The following KMT2D variants were observed in gnomAD, a reference collection of about 807,000 sequenced individuals.
KMT2D encodes the protein lysine methyltransferase 2D.
KMT2D carries 55 observed loss-of-function variants against 512.7 expected under a neutral mutation model. The ratio of observed to expected loss-of-function variants is 0.11; its 90% CI spans 0.09 to 0.13. The LOEUF is 0.13. Ranked by LOEUF, KMT2D falls within the 10% of genes least tolerant of loss-of-function variation. KMT2D has a pLI of 1.00. For missense variants in KMT2D, 6,061 were observed against 7,127.9 expected (o/e 0.85, Z 5.39); for synonymous variants, 2,995 against 2,904.0 (o/e 1.03, Z -1.01).
rs2137716183 is a variant in KMT2D at position 49,026,460 on chromosome 12, A to G, written c.15506T>C (p.Ile5169Thr). The G allele has an allele frequency of 1.2e-6, 2 of 1,613,990 alleles. No homozygotes were observed. The highest frequency in any genetic ancestry group is 1.7e-6 in the Non-Finnish European group (2 of 1,179,890). The change falls in exon 49 of 55, where the codon ATT becomes ACT. Residue 5169 changes from isoleucine (I) to threonine (T), a missense_variant. Ile to Thr is a moderately conservative substitution (Grantham distance 89). Transcript: ENST00000301067. The surrounding 1 kb of genome is among the most constrained non-coding windows in gnomAD (Gnocchi z 9.6). ...RDEVKQIASIIQRGERLHMFR... is the reference protein window; with the variant it reads ...RDEVKQIASITQRGERLHMFR... ...CATGTGCAGCCGTTCTCCCCGCTGA[A>G]TGATGCTAGCGATTTGCTTCACCTC...
chr12:49,042,454 G>A lies in KMT2D; in HGVS notation c.5867+107C>T. 5.3e-6 allele frequency: 8 copies of A among 1,518,710 alleles called. No homozygotes were observed. The South Asian group carries it at 7.3e-5, about 14-fold the overall frequency. 94.1% of individuals were successfully genotyped at this position (1,518,710 alleles called of 1,614,324 possible). On this transcript the variant is annotated intron_variant, in intron 28 of 54. Transcript: ENST00000301067. The surrounding 1 kb of genome is among the most constrained non-coding windows in gnomAD (Gnocchi z 4.4). ...GGAGGGTCACTAACAAGGGAATGGG[G>A]AGGAGCAGGGGAAGTGCTGCAGGAG...
chr12:49,057,308 G>A (rs1297249392), intron 1 of KMT2D, among the ~76,000 whole-genome samples: 1 of 152,208 alleles, frequency 6.6e-6, no homozygotes, highest in Non-Finnish European at 1.5e-5. Flanking sequence ...TGGTCTCAAA[G>A]TTGAGGCCAA....
Position 49,031,434 on chromosome 12 carries a change from C to T in KMT2D, c.13271G>A (p.Cys4424Tyr), listed in dbSNP as rs766448243. The part of the protein sequence containing the change: ...SIKQEPREEP[C>Y]ALGAQSVKRE... ...CTTCACTGACTGGGCTCCCAGGGCA[C>T]ATGGCTCTTCCCGAGGTTCCTGCTT... The change falls in exon 40 of 55, where the codon TGT (cysteine) becomes TAT (tyrosine). Residue 4424 changes from cysteine to tyrosine, a missense_variant. Around this residue, in one of 16 missense-constraint regions of KMT2D, gnomAD observed 1,600 missense variants for 1,754.9 expected, o/e 0.91. Coordinates refer to ENST00000301067, the MANE Select transcript of KMT2D (RefSeq NM_003482.4). 17 of 1,613,792 alleles carry T rather than the reference C, an allele frequency of 1.1e-5. No individual in the cohort carries two copies. The highest frequency in any genetic ancestry group is 1.4e-5 in the Non-Finnish European group (17 of 1,179,892).
At position 49,050,244 on chromosome 12, in the gene KMT2D, A is replaced by G. The variant is rs2120647727; in HGVS notation, c.3344T>C (p.Phe1115Ser). 2 of 1,613,290 alleles carry G rather than the reference A, an allele frequency of 1.2e-6. No homozygotes were observed. The highest frequency in any genetic ancestry group is 2.7e-5 in the African/African-American group (2 of 75,000). Reference protein sequence around the residue: ...APSPAPALDDFSGLGEDTAPL... With the variant: ...APSPAPALDDSSGLGEDTAPL... ...GGCTGTGTCTTCCCCTAGGCCAGAG[A>G]AGTCATCCAGGGCTGGGGCAGGGCT... Residue 1115 changes from phenylalanine (F) to serine (S), a missense_variant, in exon 12 of 55, where the codon TTC (phenylalanine) becomes TCC (serine). Coordinates refer to ENST00000301067, the MANE Select transcript of KMT2D (RefSeq NM_003482.4).
intron 48 of KMT2D, 147 bp from the exon 49 acceptor site, chr12:49,027,469 G>A: frequency 1.5e-6 from 1 of 680,340 alleles, no homozygotes; most frequent in Non-Finnish European, 2.3e-6. Flanking sequence ...TTTTTTTTTT[G>A]AGACACAGTC....
rs1335747975 is a variant in KMT2D, at chr12:49,024,058, A to T, written c.16052+520T>A. On this transcript the variant is annotated intron_variant, in intron 51 of 54. Transcript: ENST00000301067. This position sits in a 1 kb window ranked among gnomAD's most constrained non-coding sequence, Gnocchi z 4.5. Reference sequence around the variant, plus strand: ...ATACCACCTGCCCTACCTACCTCATAAGGTTGTTGTGAGGATCAAATGAGA... The same window carrying T: ...ATACCACCTGCCCTACCTACCTCATTAGGTTGTTGTGAGGATCAAATGAGA... 2.2e-6 allele frequency: 1 copy of T among 455,840 alleles called. No homozygotes were observed. Among genetic ancestry groups the T allele is most frequent in the Non-Finnish European group, 4.4e-6 (1 of 226,884 alleles). 28.2% of individuals were successfully genotyped at this position (455,840 alleles called of 1,614,324 possible).
intron 40 of KMT2D, 25 bp from the exon 41 acceptor site, chr12:49,031,058 G>T (rs1393382043): frequency 6.2e-7 from 1 of 1,613,330 alleles, no homozygotes; most frequent in Non-Finnish European, 8.5e-7. Flanking sequence ...CCCATTGAAG[G>T]CTGCTACCCT....
chr12:49,030,317 A>G lies in KMT2D; in HGVS notation c.13962T>C (p.Asp4654=). The part of the protein sequence containing the change: ...PSEELGEHPK[D]AASARDSERA... ...TTTCACTATCCCGGGCAGAGGCAGC[A>G]TCCTTGGGGTGCTCCCCCAGCTCTT... The change falls in exon 43 of 55, where the codon GAT becomes GAC. Residue 4654 remains aspartate, a synonymous_variant. Coordinates refer to ENST00000301067, the MANE Select transcript of KMT2D (RefSeq NM_003482.4). The G allele has an allele frequency of 6.2e-7, 1 of 1,602,394 alleles. No individual in the cohort carries two copies. Among genetic ancestry groups the G allele is most frequent in the Non-Finnish European group, 8.5e-7 (1 of 1,174,510 alleles).
rs370665309 is a variant in KMT2D, at chr12:49,032,435, C to T, written c.12270G>A (p.Gln4090=). ...PQPQPQPSSL[Q]LQPPLRLPGQ... ...CTGGAAGCCTCAGAGGTGGCTGCAG[C>T]TGCAGAGAGCTGGGCTGAGGCTGGG... The change falls in exon 40 of 55, where the codon CAG becomes CAA. Residue 4090 remains glutamine, a synonymous_variant. Transcript: ENST00000301067. 19 of 1,575,484 alleles carry T rather than the reference C, an allele frequency of 1.2e-5. No individual in the cohort carries two copies. In the African/African-American group the frequency reaches 2.3e-4, roughly 19 times the overall value.
chr12:49,051,926 T>C lies in KMT2D; in HGVS notation c.1757A>G (p.Glu586Gly). The C allele has an allele frequency of 6.2e-7, 1 of 1,612,630 alleles. No individual in the cohort carries two copies. The highest frequency in any genetic ancestry group is 2.2e-5 in the East Asian group (1 of 44,828). The change falls in exon 11 of 55, where the codon GAA (glutamate) becomes GGA (glycine). Residue 586 changes from glutamate (E) to glycine (G), a missense_variant. This residue lies in a region of KMT2D where 848 missense variants were observed against 838.5 expected (regional missense o/e 1.01). Transcript: ENST00000301067. ...CGGTGGTGGAGACATGGGTGACTCT[T>C]CAGGTGGAGGGGACATGGGTGACTC... is the stretch of plus-strand genomic sequence containing the variant. ...PEESPMSPPP[E>G]ESPMSPPPEA...
Position 49,051,672 on chromosome 12 carries a change from A to C in KMT2D, c.2011T>G (p.Leu671Val), listed in dbSNP as rs778292705. 4.2e-6 allele frequency: 5 copies of C among 1,182,072 alleles called. No individual in the cohort carries two copies. Among genetic ancestry groups the C allele is most frequent in the Non-Finnish European group, 5.4e-6 (5 of 934,132 alleles). The allele number at this position is 1,182,072 out of a possible 1,614,324, so 73.2% of individuals were successfully genotyped here. Residue 671 changes from leucine (L) to valine (V), a missense_variant, in exon 11 of 55, where the codon TTG becomes GTG. By Grantham distance (32) the Leu-to-Val change is conservative (BLOSUM62 1). Transcript: ENST00000301067. ...GGAGACTCCTCAGGCGGTGGGGACA[A>C]GGGAGATTCCTCAGGCGGTGGAGAC... ...RLSPPPEESP[L>V]SPPPEESPTS...
rs1342759407 is a variant in KMT2D at position 49,038,899 on chromosome 12, C to T, written c.8457G>A (p.Gln2819=). ...PLQQQQQQLW[Q]QQQATAATSM... Reference sequence around the variant, plus strand: ...AGGTTGCTGCTGTTGCCTGTTGTTGCTGCCACAGTTGTTGCTGTTGCTGCT... The same window carrying T: ...AGGTTGCTGCTGTTGCCTGTTGTTGTTGCCACAGTTGTTGCTGTTGCTGCT... Residue 2819 remains glutamine (Q), a synonymous_variant, in exon 35 of 55, where the codon CAG becomes CAA. Transcript: ENST00000301067. This position sits in a 1 kb window ranked among gnomAD's most constrained non-coding sequence, Gnocchi z 5.7. 1 of 1,551,626 alleles carries T rather than the reference C, an allele frequency of 6.4e-7. No homozygotes were observed. Among genetic ancestry groups the T allele is most frequent in the Non-Finnish European group, 8.7e-7 (1 of 1,147,064 alleles).
In KMT2D at chr12:49,052,360, C is replaced by T. The variant is rs770880004; in HGVS notation, c.1323G>A (p.Leu441=). Residue 441 remains leucine, a synonymous_variant, in exon 11 of 55, where the codon CTG becomes CTA. Transcript: ENST00000301067. ...EAPLNEEMPL[L]PPPEESPLSP... is the part of the protein sequence containing the mutation. ...ACAGGGGTGACTCCTCAGGTGGGGG[C>T]AGCAGTGGCATCTCCTCGTTTAGGG... 1 of 1,545,726 alleles carries T rather than the reference C, an allele frequency of 6.5e-7. No individual in the cohort carries two copies. The highest frequency in any genetic ancestry group is 1.3e-5 in the South Asian group (1 of 79,248).
In KMT2D at chr12:49,034,634, G is replaced by A. The variant is rs1439926284; in HGVS notation, c.10388C>T (p.Ser3463Leu). ...QQVSLLAQRLSGGPSSDLQNH... is the reference protein window; with the variant it reads ...QQVSLLAQRLLGGPSSDLQNH... ...CTGCAGATCACTGCTAGGTCCCCCC[G>A]AGAGCCTCTGGGCTAGCAGAGACAC... Residue 3463 changes from serine to leucine, a missense_variant, in exon 37 of 55, where the codon TCG (serine) becomes TTG (leucine). Physicochemically the swap from Ser to Leu is moderately radical, Grantham distance 145. Around this residue, in one of 16 missense-constraint regions of KMT2D, gnomAD observed 533 missense variants for 539.6 expected, o/e 0.99. Coordinates refer to ENST00000301067, the MANE Select transcript of KMT2D (RefSeq NM_003482.4). 2.5e-6 allele frequency: 4 copies of A among 1,613,564 alleles called. No homozygotes were observed. The highest frequency in any genetic ancestry group is 1.6e-4 in the Middle Eastern group (1 of 6,062).
chr12:49,023,709 A>G (rs1942435742), intron 51 of KMT2D, among the ~76,000 whole-genome samples: 1 of 152,190 alleles, frequency 6.6e-6, no homozygotes, highest in Admixed American at 6.5e-5. Flanking sequence ...GAAAAGTTCA[A>G]CCCATCAGTT....
At chr12:49,023,331 G>C (rs956124772) in intron 51 of KMT2D, among the ~76,000 whole-genome samples, 1 of 152,202 alleles carries the variant, frequency 6.6e-6, no homozygotes, top group African/African-American at 2.4e-5. Flanking sequence ...CCTGAAAATG[G>C]GGACTGTGCC....
rs1360811696 is a variant in KMT2D at position 49,039,593 on chromosome 12, T to C, written c.8071A>G (p.Ile2691Val). 2 of 1,610,356 alleles carry C rather than the reference T, an allele frequency of 1.2e-6. No homozygotes were observed. The highest frequency in any genetic ancestry group is 2.2e-5 in the South Asian group (2 of 91,010). ...RQRQRLRELL[I>V]RQQIQRNTLR... is the part of the protein sequence containing the mutation. ...GTGTTGCGCTGGATCTGCTGCCGAA[T>C]CAGCAGCTCTCGTAGTCGCTGGCGC... The change falls in exon 33 of 55, where the codon ATT becomes GTT. Residue 2691 changes from isoleucine (I) to valine (V), a missense_variant. Around this residue, in one of 16 missense-constraint regions of KMT2D, gnomAD observed 527 missense variants for 578.9 expected, o/e 0.91. Coordinates refer to ENST00000301067, the MANE Select transcript of KMT2D (RefSeq NM_003482.4). The surrounding 1 kb of genome is among the most constrained non-coding windows in gnomAD (Gnocchi z 5.0).
intron 49 of KMT2D, among the ~76,000 whole-genome samples, chr12:49,025,399 T>C (rs1942526098): frequency 6.6e-6 from 1 of 152,234 alleles, no homozygotes; most frequent in African/African-American, 2.4e-5. Flanking sequence ...ATCTTTTCTA[T>C]GTCTAGATGC....
Position 49,030,743 on chromosome 12 carries a change from T to A in KMT2D, c.13697A>T (p.Glu4566Val), listed in dbSNP as rs1171761414. ...GCTAAAATTGGCGGTGATAGCAGGC[T>A]CCGTTAGGGGCAGCAGGGACAGCTC... The part of the protein sequence containing the change: ...KQELSLLPLT[E>V]PAITANFSLF... The change falls in exon 42 of 55, where the codon GAG (glutamate) becomes GTG (valine). Residue 4566 changes from glutamate to valine, a missense_variant. This residue lies in a region of KMT2D where 1,600 missense variants were observed against 1,754.9 expected (regional missense o/e 0.91). Coordinates refer to ENST00000301067, the MANE Select transcript of KMT2D (RefSeq NM_003482.4). The A allele has an allele frequency of 1.9e-6, 3 of 1,613,634 alleles. No individual in the cohort carries two copies.
Sources: gnomAD v4.1 joint callset for allele counts (sites outside exome capture counted in the v4.1 genomes callset) on GRCh38, gnomAD v4.1.1 for gene constraint, gnomAD v4.1.1 regional missense constraint, Gnocchi (gnomAD v3.1) non-coding constraint, MANE v1.5 for transcripts, NCBI Gene and HGNC (gene_info 2026-07-23, HGNC 2026-07-21) for gene names.